The following AR variants were observed in gnomAD, a reference collection of about 807,000 sequenced individuals.
AR encodes androgen receptor.
AR carries 8 observed loss-of-function variants against 53.9 expected under a neutral mutation model. The observed-to-expected ratio is 0.15, with a 90% CI of 0.09 to 0.27. AR has a LOEUF of 0.27. Ranked by LOEUF, AR falls within the 10% of genes least tolerant of loss-of-function variation. The pLI, the probability that AR is intolerant of heterozygous loss-of-function variation, is 1.00. For missense variants in AR, 639 were observed against 742.5 expected, an observed-to-expected ratio of 0.86 and a Z score of 1.62; for synonymous variants, 359 against 316.4, an observed-to-expected ratio of 1.13 and a Z score of -1.43.
intron 3 of AR, among the ~76,000 whole-genome samples, chrX:67,704,542 A>G (rs746223475): frequency 1.3e-4 from 15 of 111,178 alleles, no homozygotes; most frequent in African/African-American, 4.3e-4. Context: ...GATTCTGGGT[A>G]TTTGCCCTTT....
intron 1 of AR, among the ~76,000 whole-genome samples, chrX:67,617,029 G>A (rs1223793483): frequency 9.0e-6 from 1 of 111,727 alleles, no homozygotes. Context: ...AGTACCGGGA[G>A]CAAGGCAAAA....
intron 3 of AR, among the ~76,000 whole-genome samples, chrX:67,693,676 G>T (rs1311466246): frequency 9.0e-6 from 1 of 111,685 alleles, no homozygotes; most frequent in Non-Finnish European, 1.9e-5. Context: ...CCAGAAATCG[G>T]TAGAGCCTTC....
At chrX:67,704,593 G>A (rs1213709944) in intron 3 of AR, among the ~76,000 whole-genome samples, 1 of 111,543 alleles carries the variant, frequency 9.0e-6, no homozygotes, top group African/African-American at 3.3e-5. Context: ...CCATTCTGTA[G>A]GTTGCCTGTT....
intron 3 of AR, among the ~76,000 whole-genome samples, chrX:67,705,598 C>A (rs1456453397): frequency 9.0e-6 from 1 of 111,561 alleles, no homozygotes; most frequent in Admixed American, 9.5e-5. Flanking sequence ...CAAACAGGGA[C>A]AATTTGACTT....
At chrX:67,710,939 T>C (rs1429751384) in intron 3 of AR, among the ~76,000 whole-genome samples, 2 of 112,364 alleles carry the variant, frequency 1.8e-5, no homozygotes, top group Admixed American at 9.4e-5. Flanking sequence ...CATTTTCCAG[T>C]CCAACGTTTT....
rs767736922 is a variant in AR, at chrX:67,643,633, G to T, written c.1768+226G>T. 4.5e-5 allele frequency among the ~76,000 whole-genome samples: 5 copies of T among 112,012 alleles called. No homozygotes were observed. The East Asian group carries it at 1.4e-3, about 32-fold the overall frequency. On this transcript the variant is annotated intron_variant, in intron 2 of 7. Transcript: ENST00000374690. ...AATTTAGGCAGTGAAGGTGGTCCCAGCTGGGGCTTGGGGCTCAGTGGGTCC... is the reference window on the plus strand; with the variant it reads ...AATTTAGGCAGTGAAGGTGGTCCCATCTGGGGCTTGGGGCTCAGTGGGTCC...
intron 5 of AR, among the ~76,000 whole-genome samples, chrX:67,718,538 C>G (rs1394190406): frequency 9.0e-6 from 1 of 111,522 alleles, no homozygotes; most frequent in Non-Finnish European, 1.9e-5. Flanking sequence ...CTTATGATAA[C>G]TAAATGGGAA....
In AR at chrX:67,721,866, G is replaced by C. The variant is rs1317341412; in HGVS notation, c.2352G>C (p.Gln784His). ...YRMHKSRMYS[Q>H]CVRMRHLSQE... ...TGCACAAGTCCCGGATGTACAGCCAGTGTGTCCGAATGAGGCACCTCTCTC... is the reference window on the plus strand; with the variant it reads ...TGCACAAGTCCCGGATGTACAGCCACTGTGTCCGAATGAGGCACCTCTCTC... Residue 784 changes from glutamine to histidine, a missense_variant, in exon 6 of 8, where the codon CAG (glutamine) becomes CAC (histidine). Transcript: ENST00000374690. 1 of 1,211,098 alleles carries C rather than the reference G, an allele frequency of 8.3e-7. No homozygotes were observed. The highest frequency in any genetic ancestry group is 1.8e-5 in the South Asian group (1 of 56,935).
chrX:67,550,676 C>CA (rs990775868), intron 1 of AR, among the ~76,000 whole-genome samples: 1 of 106,885 alleles, frequency 9.4e-6, no homozygotes, highest in South Asian at 4.1e-4. Context: ...AAAAACCAAA[C>CA]AAAAAAATCA....
intron 2 of AR, among the ~76,000 whole-genome samples, chrX:67,683,441 C>A (rs754696707): frequency 3.2e-4 from 35 of 111,073 alleles, no homozygotes; most frequent in African/African-American, 1.1e-3. Flanking sequence ...GAAATCCAGA[C>A]ATCCTTCAAG....
chrX:67,657,095 G>C (rs770416642), intron 2 of AR, among the ~76,000 whole-genome samples: 8 of 110,606 alleles, frequency 7.2e-5, no homozygotes, highest in Non-Finnish European at 1.3e-4. Context: ...CCAAACAGAA[G>C]TGTTTGCTAA....
chrX:67,650,468 T>C (rs1261663911), intron 2 of AR, among the ~76,000 whole-genome samples: 3 of 112,267 alleles, frequency 2.7e-5, no homozygotes, highest in African/African-American at 9.7e-5. Flanking sequence ...AGAGTTAGAC[T>C]CACTTTCTCT....
At chrX:67,606,904 G>A (rs1484510827) in intron 1 of AR, among the ~76,000 whole-genome samples, 1 of 112,442 alleles carries the variant, frequency 8.9e-6, no homozygotes, top group East Asian at 2.8e-4. Context: ...TGTTGGTTCT[G>A]GGTATTGCAA....
intron 1 of AR, among the ~76,000 whole-genome samples, chrX:67,587,786 T>C (rs866477829): frequency 6.5e-4 from 72 of 111,421 alleles, no homozygotes; most frequent in African/African-American, 2.1e-3. Flanking sequence ...TGAAGTGAAA[T>C]TTTAAAATGC....
Position 67,593,196 on chromosome X carries a change from T to A in AR, c.1616+46434T>A, listed in dbSNP as rs147198457. Among the ~76,000 whole-genome samples the A allele has an allele frequency of 3.6e-5, 4 of 111,201 alleles. No homozygotes were observed. The East Asian group carries it at 1.1e-3, about 31-fold the overall frequency. On this transcript the variant is annotated intron_variant, in intron 1 of 7. Transcript: ENST00000374690. ...TTTCACATTTGATTTCTTTGGAAAC[T>A]TTTTACCTTTTCATTGAAGCCCATA...
intron 6 of AR, among the ~76,000 whole-genome samples, chrX:67,722,625 A>G (rs1352046649): frequency 4.5e-5 from 5 of 111,558 alleles, no homozygotes; most frequent in Non-Finnish European, 9.4e-5. Flanking sequence ...CTCCTTTCAG[A>G]TCGGATCCAG....
chrX:67,680,826 G>T, intron 2 of AR: 1 of 323,757 alleles, frequency 3.1e-6, no homozygotes. Context: ...GAAATAGGAA[G>T]AAATCCTACA....
chrX:67,724,154 T>A lies in AR; in HGVS notation c.*313T>A. 1 of 318,221 alleles carries A rather than the reference T, an allele frequency of 3.1e-6. No homozygotes were observed. 26.2% of individuals were successfully genotyped at this position (318,221 alleles called of 1,213,427 possible). A position where few individuals can be genotyped will look rare whatever the true frequency, so the allele number is the denominator to read the frequency against. On this transcript the variant is annotated 3_prime_UTR_variant, in exon 8 of 8. Coordinates refer to ENST00000374690, the MANE Select transcript of AR (RefSeq NM_000044.6). ...CTGTGATGATCCTCATATGGCCCAG[T>A]GTCAAGTTGTGCTTGTTTACAGCAC... is the stretch of plus-strand genomic sequence containing the variant.
chrX:67,670,365 T>C (rs1358172044), intron 2 of AR, among the ~76,000 whole-genome samples: 1 of 101,126 alleles, frequency 9.9e-6, no homozygotes, highest in Non-Finnish European at 2.0e-5. Flanking sequence ...TAAAAAATAG[T>C]ATTATTTTAA....
Sources: allele counts gnomAD v4.1 joint callset (sites outside exome capture counted in the v4.1 genomes callset), GRCh38; gene constraint gnomAD v4.1.1; transcripts MANE v1.5; gene names NCBI Gene and HGNC (gene_info 2026-07-23, HGNC 2026-07-21).